The following SIGLEC15 variants were observed in gnomAD, a reference collection of about 807,000 sequenced individuals.
SIGLEC15 encodes sialic acid binding Ig like lectin 15.
In SIGLEC15, 31 loss-of-function variants were observed where a neutral mutation model predicts 26.2. The ratio of observed to expected loss-of-function variants is 1.18; its 90% CI spans 0.89 to 1.60. The LOEUF is 1.60. Among genes scored for constraint, SIGLEC15 ranks in the 40% most tolerant of loss-of-function variants. SIGLEC15 has a pLI of 0.00. For missense variants in SIGLEC15, 501 were observed against 488.4 expected, an observed-to-expected ratio of 1.03 and a Z score of -0.24; for synonymous variants, 207 against 221.9, an observed-to-expected ratio of 0.93 and a Z score of 0.60.
intron 1 of SIGLEC15, chr18:45,829,161 G>T: frequency 1.0e-6 from 1 of 985,330 alleles, no homozygotes; most frequent in Non-Finnish European, 1.2e-6. Flanking sequence ...TCAGCCTGTG[G>T]CCCTGCCTCT....
At chr18:45,835,506 A>C (rs1180662590) in intron 1 of SIGLEC15, among the ~76,000 whole-genome samples, 5 of 152,202 alleles carry the variant, frequency 3.3e-5, no homozygotes, top group Non-Finnish European at 7.3e-5. Flanking sequence ...GCTCAGGAAG[A>C]GAAGAGAAAA....
intron 1 of SIGLEC15, 118 bp from the exon 2 acceptor site, chr18:45,836,911 G>A (rs1449493758): frequency 3.0e-6 from 2 of 671,578 alleles, no homozygotes; most frequent in South Asian, 1.7e-5. Flanking sequence ...AGGCTGTAGA[G>A]TGAGGCGATC....
At chr18:45,842,045 T>C (rs1198302223) in intron 5 of SIGLEC15, 61 bp from the exon 6 acceptor site, 10 of 1,490,040 alleles carry the variant, frequency 6.7e-6, no homozygotes, top group Admixed American at 1.7e-5. Flanking sequence ...TGGCATATAG[T>C]TTGGGCAGTT....
At position 45,837,865 on chromosome 18, in the gene SIGLEC15, G is replaced by C. The variant is rs2048289296; in HGVS notation, c.465G>C (p.Glu155Asp). 2.0e-6 allele frequency: 3 copies of C among 1,533,280 alleles called. No individual in the cohort carries two copies. The highest frequency in any genetic ancestry group is 1.9e-5 in the Admixed American group (1 of 52,118). The allele number at this position is 1,533,280 out of a possible 1,614,324, so 95.0% of individuals were successfully genotyped here. The change falls in exon 3 of 6, where the codon GAG becomes GAC. Residue 155 changes from glutamate to aspartate, a missense_variant. Glu to Asp is a conservative substitution (Grantham distance 45, BLOSUM62 2). Transcript: ENST00000389474. ...CCGGCGACGTCCATGACCGCTACGA[G>C]AGCCGCCACGGCGTCCGGCTGCACG... ...EFAGDVHDRY[E>D]SRHGVRLHVT...
At position 45,837,508 on chromosome 18, in the gene SIGLEC15, C is replaced by A. The variant is rs1272734164; in HGVS notation, c.113-5C>A. The A allele has an allele frequency of 4.0e-6, 6 of 1,487,680 alleles. No homozygotes were observed. Among genetic ancestry groups the A allele is most frequent in the Non-Finnish European group, 5.3e-6 (6 of 1,129,194 alleles). 92.2% of individuals were successfully genotyped at this position (1,487,680 alleles called of 1,614,324 possible). A position where few individuals can be genotyped will look rare whatever the true frequency, so the allele number is the denominator to read the frequency against. ...CGAGCCTGACGCAGCCCGCCCCGCC[C>A]TCAGGCTCGCCAGCGCAGCGCTGGT... On this transcript the variant is annotated splice_polypyrimidine_tract_variant and splice_region_variant and intron_variant, in intron 2 of 5. Transcript: ENST00000389474.
chr18:45,828,364 C>A (rs1297139157), intron 1 of SIGLEC15, among the ~76,000 whole-genome samples: 1 of 152,156 alleles, frequency 6.6e-6, no homozygotes, highest in Non-Finnish European at 1.5e-5. Context: ...CCCTAATCTC[C>A]CAGGGGCTCC....
rs748454856 is a variant in SIGLEC15, at chr18:45,842,423, C to CTG, written c.*255_*256dup. ...CAGCATTTCGTAAATGTGCATACGT[C>CTG]TGTGTGTGTGTGTGTGTGTGAGAGA... On this transcript the variant is annotated 3_prime_UTR_variant, in exon 6 of 6. Transcript: ENST00000389474. 2.1e-3 allele frequency: 951 copies of CTG among 445,086 alleles called. No homozygotes were observed. The highest frequency in any genetic ancestry group is 2.8e-3 in the South Asian group (94 of 33,262). 27.6% of individuals were successfully genotyped at this position (445,086 alleles called of 1,614,324 possible).
intron 3 of SIGLEC15, among the ~76,000 whole-genome samples, chr18:45,838,354 G>C (rs1401658771): frequency 6.6e-6 from 1 of 152,148 alleles, no homozygotes; most frequent in Non-Finnish European, 1.5e-5. Context: ...CTGAACCAGG[G>C]TCCCGTCCCT....
rs1442860227 is a variant in SIGLEC15 at position 45,842,482 on chromosome 18, T to C, written c.*295T>C. ...GAGAGTACACGCATTAGCTTGAGCG[T>C]GAAACTTCCAGAAATGTTCCCTTGC... On this transcript the variant is annotated 3_prime_UTR_variant, in exon 6 of 6. Coordinates refer to ENST00000389474, the MANE Select transcript of SIGLEC15 (RefSeq NM_213602.3). 2.8e-6 allele frequency: 1 copy of C among 358,978 alleles called. No individual in the cohort carries two copies. Among genetic ancestry groups the C allele is most frequent in the Non-Finnish European group, 5.1e-6 (1 of 194,410 alleles). 22.2% of individuals were successfully genotyped at this position (358,978 alleles called of 1,614,324 possible).
intron 1 of SIGLEC15, among the ~76,000 whole-genome samples, chr18:45,830,079 A>C (rs1443358543): frequency 1.3e-5 from 2 of 152,052 alleles, no homozygotes; most frequent in Non-Finnish European, 2.9e-5. Context: ...GAAACCGACA[A>C]GCAGCTCAGC....
At chr18:45,829,209 A>G in intron 1 of SIGLEC15, 2 of 950,518 alleles carry the variant, frequency 2.1e-6, no homozygotes, top group Non-Finnish European at 2.5e-6. Flanking sequence ...CCCACGCCAC[A>G]GTCAGCCTGC....
At chr18:45,840,146 G>A in intron 4 of SIGLEC15, 65 bp from the exon 5 acceptor site, 2 of 1,583,182 alleles carry the variant, frequency 1.3e-6, no homozygotes, top group Non-Finnish European at 8.6e-7. Context: ...ATGGGTGGGG[G>A]TGGGCGCACA....
intron 1 of SIGLEC15, among the ~76,000 whole-genome samples, chr18:45,830,951 G>A (rs1177270153): frequency 1.3e-5 from 2 of 152,036 alleles, no homozygotes; most frequent in African/African-American, 2.4e-5. Flanking sequence ...TTTTATCCAA[G>A]TATCATTTTC....
At chr18:45,830,691 G>A (rs993265905) in intron 1 of SIGLEC15, among the ~76,000 whole-genome samples, 1 of 139,552 alleles carries the variant, frequency 7.2e-6, no homozygotes, top group Non-Finnish European at 1.5e-5. Flanking sequence ...GTTCAAGCGA[G>A]TCTCCTGCCT....
chr18:45,837,158 T>A, intron 2 of SIGLEC15, 70 bp downstream of exon 2: 1 of 1,585,748 alleles, frequency 6.3e-7, no homozygotes, highest in South Asian at 1.1e-5. Flanking sequence ...GATCCCAGGG[T>A]TTTTCCACAG....
At chr18:45,827,224 AAC>A (rs1243210477) in intron 1 of SIGLEC15, among the ~76,000 whole-genome samples, 1 of 152,188 alleles carries the variant, frequency 6.6e-6, no homozygotes, top group Admixed American at 6.5e-5. Flanking sequence ...CAGAGAAAGG[AAC>A]TCTTCCCTAT....
chr18:45,826,201 A>C (rs935181550), intron 1 of SIGLEC15, among the ~76,000 whole-genome samples: 3 of 151,818 alleles, frequency 2.0e-5, no homozygotes, highest in Non-Finnish European at 4.4e-5. Context: ...GTTTGGGGAC[A>C]GTGCTGATGC....
chr18:45,834,748 A>C (rs993522284), intron 1 of SIGLEC15, among the ~76,000 whole-genome samples: 1 of 152,220 alleles, frequency 6.6e-6, no homozygotes, highest in African/African-American at 2.4e-5. Context: ...TGTCCAATAC[A>C]TGTTTGCTGA....
chr18:45,830,919 G>C (rs957119283), intron 1 of SIGLEC15, among the ~76,000 whole-genome samples: 1 of 152,116 alleles, frequency 6.6e-6, no homozygotes, highest in African/African-American at 2.4e-5. Context: ...TTTCTAAAAT[G>C]CTTTATGTGC....
Sources: allele counts gnomAD v4.1 joint callset (sites outside exome capture counted in the v4.1 genomes callset), GRCh38; gene constraint gnomAD v4.1.1; transcripts MANE v1.5; gene names NCBI Gene and HGNC (gene_info 2026-07-23, HGNC 2026-07-21).